EXT1: variants seen among roughly 807,000 people sequenced by gnomAD.
EXT1 encodes exostosin glycosyltransferase 1, also known as exostosin-1.
EXT1 carries 20 observed loss-of-function variants against 82.5 expected under a neutral mutation model. The observed-to-expected ratio is 0.24, with a 90% CI of 0.17 to 0.35. The LOEUF (loss-of-function observed/expected upper bound fraction) is 0.35. Ranked by LOEUF, EXT1 falls within the 10% of genes least tolerant of loss-of-function variation. EXT1 has a pLI of 1.00. For missense variants in EXT1, 757 were observed against 936.5 expected (o/e 0.81, Z 2.50); for synonymous variants, 348 against 350.8 (o/e 0.99, Z 0.09).
chr8:117,978,150 C>T (rs1303119222), intron 1 of EXT1, among the ~76,000 whole-genome samples: 2 of 152,110 alleles, frequency 1.3e-5, no homozygotes, highest in Admixed American at 1.3e-4. Flanking sequence ...AGGTGGCATG[C>T]AATAAATGGA....
rs1823070096 is a variant in EXT1, at chr8:117,794,975, T to C, written c.*4737A>G. Reference sequence around the variant, plus strand: ...TTACATGGTAACCAGGTCATTTGCATAGCCCTAGTTTTAGTAATAGTTACA... The same window carrying C: ...TTACATGGTAACCAGGTCATTTGCACAGCCCTAGTTTTAGTAATAGTTACA... On this transcript the variant is annotated 3_prime_UTR_variant, in exon 11 of 11. Coordinates refer to ENST00000378204, the MANE Select transcript of EXT1 (RefSeq NM_000127.3). 6.6e-6 allele frequency: 1 copy of C among 152,238 alleles called. No homozygotes were observed. The highest frequency in any genetic ancestry group is 2.4e-5 in the African/African-American group (1 of 41,464). The allele number at this position is 152,238 out of a possible 1,614,324, so 9.4% of individuals were successfully genotyped here. A position where few individuals can be genotyped will look rare whatever the true frequency, so the allele number is the denominator to read the frequency against.
In EXT1 at chr8:117,895,100, T is replaced by C. The variant is rs796102528; in HGVS notation, c.963-57899A>G. 1.9e-4 allele frequency among the ~76,000 whole-genome samples: 29 copies of C among 152,266 alleles called. 1 individual carries two copies. Among genetic ancestry groups the C allele is most frequent in the Middle Eastern group, 3.4e-3 (1 of 294 alleles). On this transcript the variant is annotated intron_variant, in intron 1 of 10. Coordinates refer to ENST00000378204, the MANE Select transcript of EXT1 (RefSeq NM_000127.3). Reference sequence around the variant, plus strand: ...CACTGTCAATTCGATCATGATGTCATCTTAGATGACATGATCAAAATGGTC... The same window carrying C: ...CACTGTCAATTCGATCATGATGTCACCTTAGATGACATGATCAAAATGGTC...
chr8:117,927,169 T>C (rs1175713828), intron 1 of EXT1, among the ~76,000 whole-genome samples: 1 of 152,230 alleles, frequency 6.6e-6, no homozygotes, highest in East Asian at 1.9e-4. Context: ...CTGATTTTTC[T>C]TGGCTCTCCC....
chr8:117,819,879 G>C lies in EXT1; in HGVS notation c.1418-85C>G, dbSNP rs1165651445. 8 of 1,256,034 alleles carry C rather than the reference G, an allele frequency of 6.4e-6. No homozygotes were observed. The East Asian group carries it at 1.2e-4, about 18-fold the overall frequency. 77.8% of individuals were successfully genotyped at this position (1,256,034 alleles called of 1,614,324 possible). A position where few individuals can be genotyped will look rare whatever the true frequency, so the allele number is the denominator to read the frequency against. Reference sequence around the variant, plus strand: ...ACTCCTCCTTGCTCCGCTGCCTCATGCTGGAGCAAATGTTCCCTCCTGGAT... The same window carrying C: ...ACTCCTCCTTGCTCCGCTGCCTCATCCTGGAGCAAATGTTCCCTCCTGGAT... On this transcript the variant is annotated intron_variant, in intron 5 of 10. Coordinates refer to ENST00000378204, the MANE Select transcript of EXT1 (RefSeq NM_000127.3).
chr8:118,029,386 G>A (rs1237725858), intron 1 of EXT1, among the ~76,000 whole-genome samples: 2 of 152,152 alleles, frequency 1.3e-5, no homozygotes, highest in African/African-American at 2.4e-5. Context: ...CCATGCTACC[G>A]CACTCCAGCC....
chr8:117,839,152 T>C (rs1421884325), intron 1 of EXT1, among the ~76,000 whole-genome samples: 1 of 152,216 alleles, frequency 6.6e-6, no homozygotes, highest in Non-Finnish European at 1.5e-5. Flanking sequence ...TGATCGAAGC[T>C]TGTATTCCTT....
At chr8:118,041,713 GGAAGGAAA>G (rs1816534162) in intron 1 of EXT1, among the ~76,000 whole-genome samples, 1 of 147,864 alleles carries the variant, frequency 6.8e-6, no homozygotes, top group African/African-American at 2.5e-5. Context: ...AAGGAAGGAA[GGAAGGAAA>G]AAGAAAAGGG....
chr8:117,852,812 G>C (rs1170119942), intron 1 of EXT1, among the ~76,000 whole-genome samples: 1 of 152,152 alleles, frequency 6.6e-6, no homozygotes. Flanking sequence ...AGGATACAAT[G>C]GTGGGCAAAA....
intron 1 of EXT1, among the ~76,000 whole-genome samples, chr8:118,028,133 TAAC>T (rs2129871943): frequency 6.6e-6 from 1 of 152,254 alleles, no homozygotes; most frequent in South Asian, 2.1e-4. Flanking sequence ...GTGTTGAGGA[TAAC>T]AACTAAAGCA....
chr8:117,813,660 T>C (rs1199303727), intron 7 of EXT1, among the ~76,000 whole-genome samples: 1 of 152,152 alleles, frequency 6.6e-6, no homozygotes, highest in Admixed American at 6.5e-5. Flanking sequence ...CAATCAAAGG[T>C]AATATTAAAG....
At chr8:117,909,468 T>C (rs528804622) in intron 1 of EXT1, among the ~76,000 whole-genome samples, 8 of 152,166 alleles carry the variant, frequency 5.3e-5, no homozygotes, top group Non-Finnish European at 2.9e-5. Context: ...ATTATGCTAG[T>C]TTGATTTAGT....
chr8:118,098,472 G>A (rs1817658743), intron 1 of EXT1, among the ~76,000 whole-genome samples: 1 of 152,054 alleles, frequency 6.6e-6, no homozygotes, highest in African/African-American at 2.4e-5. Flanking sequence ...TAACACAGTG[G>A]CCAGGTGCAG....
chr8:117,799,566 C>G lies in EXT1; in HGVS notation c.*146G>C, dbSNP rs886062634. ...GAGCCAGGAGTTGAGTTCTCATTGG[C>G]CTTTTTTTTTTTGTCATTCTGCTCA... On this transcript the variant is annotated 3_prime_UTR_variant, in exon 11 of 11. Coordinates refer to ENST00000378204, the MANE Select transcript of EXT1 (RefSeq NM_000127.3). 2.2e-6 allele frequency: 2 copies of G among 892,340 alleles called. No individual in the cohort carries two copies. Among genetic ancestry groups the G allele is most frequent in the South Asian group, 1.6e-5 (1 of 61,678 alleles). The allele number at this position is 892,340 out of a possible 1,614,324, so 55.3% of individuals were successfully genotyped here.
chr8:117,868,168 G>C (rs1812807153), intron 1 of EXT1, among the ~76,000 whole-genome samples: 1 of 152,166 alleles, frequency 6.6e-6, no homozygotes, highest in Admixed American at 6.5e-5. Context: ...CATCAAGAGA[G>C]GCTAAGGCGA....
chr8:117,970,388 C>T (rs1283203194), intron 1 of EXT1, among the ~76,000 whole-genome samples: 1 of 151,890 alleles, frequency 6.6e-6, no homozygotes, highest in Non-Finnish European at 1.5e-5. Context: ...ACTGCAACTC[C>T]GCCTCCCAGG....
At chr8:117,897,591 C>CTTTTTTTTTTTTTTTTTTTTTT (rs34963536) in intron 1 of EXT1, among the ~76,000 whole-genome samples, 8 of 90,690 alleles carry the variant, frequency 8.8e-5, no homozygotes, top group African/African-American at 3.1e-4. Flanking sequence ...CTTCTTTTCT[C>CTTTTTTTTTTTTTTTTTTTTTT]TTTTTTTTTT....
chr8:117,935,458 G>A (rs1814142149), intron 1 of EXT1, among the ~76,000 whole-genome samples: 1 of 151,722 alleles, frequency 6.6e-6, no homozygotes, highest in South Asian at 2.1e-4. Flanking sequence ...GTGGTTGGGA[G>A]GTGTGCACCA....
At chr8:117,943,489 A>C (rs1814327063) in intron 1 of EXT1, among the ~76,000 whole-genome samples, 2 of 152,244 alleles carry the variant, frequency 1.3e-5, no homozygotes, top group South Asian at 4.1e-4. Context: ...GTGTTTATAC[A>C]AGTATATTCA....
At chr8:118,049,491 GAGAC>G (rs1326170273) in intron 1 of EXT1, among the ~76,000 whole-genome samples, 3 of 152,158 alleles carry the variant, frequency 2.0e-5, no homozygotes, top group Non-Finnish European at 4.4e-5. Flanking sequence ...ACATGGAAAA[GAGAC>G]AGCACAAAGG....
Sources: allele counts gnomAD v4.1 joint callset (sites outside exome capture counted in the v4.1 genomes callset), GRCh38; gene constraint gnomAD v4.1.1; transcripts MANE v1.5; gene names NCBI Gene and HGNC (gene_info 2026-07-23, HGNC 2026-07-21).